The following CYP27C1 variants were observed in gnomAD, a reference collection of about 807,000 sequenced individuals.
CYP27C1 encodes cytochrome P450 27C1.
Under a neutral mutation model 40.6 loss-of-function variants are expected in CYP27C1, and 29 were observed. The observed-to-expected ratio is 0.71, with a 90% CI of 0.53 to 0.97. The LOEUF (loss-of-function observed/expected upper bound fraction) is 0.97, where lower values mean the gene tolerates loss of function less well. Among genes scored for constraint, CYP27C1 ranks in the 50% least tolerant of loss-of-function variants. The pLI is 0.00. For missense variants in CYP27C1, 390 were observed against 485.8 expected (o/e 0.80, Z 1.85); for synonymous variants, 198 against 186.8 (o/e 1.06, Z -0.49).
intron 8 of CYP27C1, among the ~76,000 whole-genome samples, chr2:127,192,556 T>C (rs2104675611): frequency 6.6e-6 from 1 of 152,184 alleles, no homozygotes; most frequent in Non-Finnish European, 1.5e-5. Context: ...GAACCACTGC[T>C]CTGTGTAAAT....
chr2:127,190,743 C>T (rs1281610212), intron 8 of CYP27C1, among the ~76,000 whole-genome samples: 4 of 147,836 alleles, frequency 2.7e-5, no homozygotes, highest in African/African-American at 5.0e-5. Flanking sequence ...GTCAGAAGTT[C>T]GAGACCACCC....
rs556902401 is a variant in CYP27C1 at position 127,200,661 on chromosome 2, C to A, written c.883+461G>T. Reference sequence around the variant, plus strand: ...GTCACAACCCACATGCTTTTTGCTTCTTTGAAAAACAAATCCATGGCCAGG... The same window carrying A: ...GTCACAACCCACATGCTTTTTGCTTATTTGAAAAACAAATCCATGGCCAGG... On this transcript the variant is annotated intron_variant, in intron 4 of 8. Transcript: ENST00000664447. The surrounding 1 kb of genome is among the most constrained non-coding windows in gnomAD (Gnocchi z 4.2). Among the ~76,000 whole-genome samples the A allele has an allele frequency of 2.6e-4, 39 of 152,140 alleles. 1 individual carries two copies. Among genetic ancestry groups the A allele is most frequent in the African/African-American group, 9.2e-4 (38 of 41,506 alleles).
chr2:127,204,877 C>T (rs2104693128), intron 2 of CYP27C1, among the ~76,000 whole-genome samples: 1 of 152,328 alleles, frequency 6.6e-6, no homozygotes, highest in East Asian at 1.9e-4. Context: ...TCCACACCTC[C>T]GCATGGCTTG....
At chr2:127,187,498 G>T in intron 8 of CYP27C1, 111 bp from the exon 9 acceptor site, 1 of 875,814 alleles carries the variant, frequency 1.1e-6, no homozygotes, top group Non-Finnish European at 1.8e-6. Flanking sequence ...AGAGAGCGCA[G>T]GCAATGAGCA....
In CYP27C1 at chr2:127,183,918, C is replaced by A. The variant is rs1277275745; in HGVS notation, c.*3353G>T. On this transcript the variant is annotated 3_prime_UTR_variant, in exon 9 of 9. Coordinates refer to ENST00000664447, the MANE Select transcript of CYP27C1 (RefSeq NM_001367502.1). This position sits in a 1 kb window ranked among gnomAD's most constrained non-coding sequence, Gnocchi z 5.1. ...TAATGTCATGAGCCCCCACTCACCA[C>A]CCTGCTTCCACAGTTAACAACATCT... Among the ~76,000 whole-genome samples the A allele has an allele frequency of 6.6e-6, 1 of 152,162 alleles. No individual in the cohort carries two copies. Among genetic ancestry groups the A allele is most frequent in the African/African-American group, 2.4e-5 (1 of 41,426 alleles).
intron 6 of CYP27C1, among the ~76,000 whole-genome samples, chr2:127,194,848 T>TC (rs965900563): frequency 6.6e-6 from 1 of 151,496 alleles, no homozygotes; most frequent in African/African-American, 2.4e-5. Flanking sequence ...TTTTCTTTTT[T>TC]TTTTTTTTTT....
intron 5 of CYP27C1, among the ~76,000 whole-genome samples, chr2:127,198,624 A>C (rs1682961353): frequency 6.6e-6 from 1 of 152,186 alleles, no homozygotes; most frequent in Admixed American, 6.5e-5. Flanking sequence ...ATCCCATAAG[A>C]TTATAAAGCC....
At position 127,199,472 on chromosome 2, in the gene CYP27C1, G is replaced by T; in HGVS notation, c.951C>A (p.Ser317Arg). 6.2e-7 allele frequency: 1 copy of T among 1,614,164 alleles called. No individual in the cohort carries two copies. The highest frequency in any genetic ancestry group is 8.5e-7 in the Non-Finnish European group (1 of 1,180,022). The change falls in exon 5 of 9, where the codon AGC becomes AGA. Residue 317 changes from serine to arginine, a missense_variant. By Grantham distance (110) the Ser-to-Arg change is moderately radical. Transcript: ENST00000664447. ...QYQMDRGRRV[S>R]GGLLTYLFLS... ...GGAAGAGGTATGTGAGAAGTCCCCC[G>T]CTCACCCTCCGGCCTCGGTCCATTT...
Position 127,202,617 on chromosome 2 carries a change from G to C in CYP27C1, c.673+755C>G, listed in dbSNP as rs112790101. On this transcript the variant is annotated intron_variant, in intron 3 of 8. Coordinates refer to ENST00000664447, the MANE Select transcript of CYP27C1 (RefSeq NM_001367502.1). ...AGGAAAGAGGGAGACCTTCACTGAAGCCTTTTTGGTATTGCTATTTGAACA... is the reference window on the plus strand; with the variant it reads ...AGGAAAGAGGGAGACCTTCACTGAACCCTTTTTGGTATTGCTATTTGAACA... Among the ~76,000 whole-genome samples, 1,492 of 152,276 alleles carry C rather than the reference G, an allele frequency of 9.8e-3. 30 individuals carry two copies. The highest frequency in any genetic ancestry group is 0.034 in the African/African-American group (1,401 of 41,556).
Position 127,195,472 on chromosome 2 carries a change from G to T in CYP27C1, c.1077C>A (p.Tyr359Ter), listed in dbSNP as rs1682880911. ...TTSFTLSWTV[Y>*]LLARHPEVQQ... ...GCACTTCTGGGTGCCTTGCCAGGAG[G>T]TACACAGTCCAAGACAAGGTGAAGG... Residue 359 changes from tyrosine to a stop codon, truncating the protein, a stop_gained, in exon 6 of 9, where the codon TAC (tyrosine) becomes TAA (stop). Coordinates refer to ENST00000664447, the MANE Select transcript of CYP27C1 (RefSeq NM_001367502.1). LOFTEE classifies it high-confidence loss of function. The surrounding 1 kb of genome is among the most constrained non-coding windows in gnomAD (Gnocchi z 6.2). 6.2e-7 allele frequency: 1 copy of T among 1,614,052 alleles called. No individual in the cohort carries two copies. Among genetic ancestry groups the T allele is most frequent in the Non-Finnish European group, 8.5e-7 (1 of 1,179,988 alleles).
intron 2 of CYP27C1, among the ~76,000 whole-genome samples, chr2:127,204,190 C>G (rs1219080654): frequency 6.7e-6 from 1 of 149,578 alleles, no homozygotes; most frequent in East Asian, 2.0e-4. Context: ...CACTTGAACC[C>G]GGGAGGCAGA....
intron 1 of CYP27C1, among the ~76,000 whole-genome samples, chr2:127,211,361 GTTTTTTTGTTT>G (rs1683331918): frequency 6.8e-5 from 7 of 103,636 alleles, no homozygotes; most frequent in African/African-American, 1.2e-4. Flanking sequence ...CTAAAGCAGT[GTTTTTTTGTTT>G]TTTTTTTTTT....
At chr2:127,202,031 CT>C (rs576588609) in intron 3 of CYP27C1, among the ~76,000 whole-genome samples, 54 of 150,896 alleles carry the variant, frequency 3.6e-4, no homozygotes, top group Middle Eastern at 6.9e-3. Flanking sequence ...TGAAGGTAAG[CT>C]TTTTTTAAAA....
At position 127,200,630 on chromosome 2, in the gene CYP27C1, C is replaced by T. The variant is rs925489562; in HGVS notation, c.883+492G>A. Reference sequence around the variant, plus strand: ...TAAAATGAAAAAACTGATCATGTTACCTGTAGTCACAACCCACATGCTTTT... The same window carrying T: ...TAAAATGAAAAAACTGATCATGTTATCTGTAGTCACAACCCACATGCTTTT... On this transcript the variant is annotated intron_variant, in intron 4 of 8. Transcript: ENST00000664447. The surrounding 1 kb of genome is among the most constrained non-coding windows in gnomAD (Gnocchi z 4.2). Among the ~76,000 whole-genome samples, 30 of 152,058 alleles carry T rather than the reference C, an allele frequency of 2.0e-4. 1 individual carries two copies. Among genetic ancestry groups the T allele is most frequent in the African/African-American group, 7.3e-4 (30 of 41,378 alleles).
Position 127,193,856 on chromosome 2 carries a change from A to G in CYP27C1, c.1226T>C (p.Val409Ala), listed in dbSNP as rs1682841923. ...GGTGACCCGGCCGTTCCCTGGCAGC[A>G]CTGGAAACAGCCTGGAAAAGAGCCA... ...LLKETLRLFP[V>A]LPGNGRVTQE... The change falls in exon 7 of 9, where the codon GTG becomes GCG. Residue 409 changes from valine (V) to alanine (A), a missense_variant. Physicochemically the swap from Val to Ala is moderately conservative, Grantham distance 64 (BLOSUM62 0). Transcript: ENST00000664447. The G allele has an allele frequency of 1.2e-6, 2 of 1,614,064 alleles. No individual in the cohort carries two copies. The highest frequency in any genetic ancestry group is 2.7e-5 in the African/African-American group (2 of 74,924).
rs201700234 is a variant in CYP27C1 at position 127,193,274 on chromosome 2, A to G, written c.1317T>C (p.Tyr439=). The G allele has an allele frequency of 7.4e-6, 12 of 1,614,236 alleles. No homozygotes were observed. In the Admixed American group the frequency reaches 1.7e-4, roughly 22 times the overall value. The change falls in exon 8 of 9, where the codon TAT becomes TAC. Residue 439 remains tyrosine (Y), a synonymous_variant. Coordinates refer to ENST00000664447, the MANE Select transcript of CYP27C1 (RefSeq NM_001367502.1). ...AGTTCTCATCCTGGTACGATGTGGC[A>G]TAGTGGCAAAGGGCCAGCTGGGTCT... The part of the protein sequence containing the change: ...PKGTQLALCH[Y]ATSYQDENFP...
chr2:127,204,545 GAGAGAGAGAGAGAAAGAA>G (rs1431909109), intron 2 of CYP27C1, among the ~76,000 whole-genome samples: 166 of 76,882 alleles, frequency 2.2e-3, no homozygotes, highest in Middle Eastern at 0.011. Flanking sequence ...AAGAGAGAGA[GAGAGAGAGAGAGAAAGAA>G]AGAAAGAAAG....
At chr2:127,213,885 T>C (rs1683379860) in intron 1 of CYP27C1, among the ~76,000 whole-genome samples, 1 of 152,006 alleles carries the variant, frequency 6.6e-6, no homozygotes, top group Non-Finnish European at 1.5e-5. Context: ...ACCTACAGAA[T>C]GGGAGAAAGT....
At chr2:127,188,012 C>A (rs1378978995) in intron 8 of CYP27C1, among the ~76,000 whole-genome samples, 3 of 152,126 alleles carry the variant, frequency 2.0e-5, no homozygotes, top group South Asian at 2.1e-4. Flanking sequence ...AAGCAATTAT[C>A]TCCCCCGGCG....
Sources: allele counts gnomAD v4.1 joint callset (sites outside exome capture counted in the v4.1 genomes callset), GRCh38; gene constraint gnomAD v4.1.1; non-coding constraint Gnocchi (gnomAD v3.1); transcripts MANE v1.5; gene names NCBI Gene and HGNC (gene_info 2026-07-23, HGNC 2026-07-21).